Variants in HS6ST2 observed in about 807,000 individuals in gnomAD.
The protein encoded by HS6ST2 is heparan sulfate 6-O-sulfotransferase 2.
A neutral mutation model predicts 33.0 loss-of-function variants in HS6ST2; 17 were observed. The observed-to-expected ratio is 0.52, with a 90% CI of 0.35 to 0.77. The LOEUF is 0.77. Among genes scored for constraint, HS6ST2 ranks in the 30% least tolerant of loss-of-function variants. The pLI, the probability that HS6ST2 is intolerant of heterozygous loss-of-function variation, is 0.01. For synonymous variants in HS6ST2, 248 were observed against 237.1 expected, an observed-to-expected ratio of 1.05 and a Z score of -0.42; for missense variants, 519 against 551.7, an observed-to-expected ratio of 0.94 and a Z score of 0.59.
At chrX:132,740,208 A>T (rs771251515) in intron 2 of HS6ST2, among the ~76,000 whole-genome samples, 1 of 112,483 alleles carries the variant, frequency 8.9e-6, no homozygotes, top group Admixed American at 9.4e-5. Context: ...TGCAAAAATA[A>T]TTTCTCTTGT....
chrX:132,632,509 G>T (rs1015507965), intron 4 of HS6ST2, among the ~76,000 whole-genome samples: 1 of 110,287 alleles, frequency 9.1e-6, no homozygotes, highest in East Asian at 2.9e-4. Flanking sequence ...TGGGGTCGGG[G>T]GCAAACAGAG....
At position 132,903,029 on chromosome X, in the gene HS6ST2, T is replaced by A. The variant is rs193079873; in HGVS notation, c.947+53779A>T. 1.5e-3 allele frequency among the ~76,000 whole-genome samples: 165 copies of A among 111,788 alleles called. 1 individual carries two copies. Among genetic ancestry groups the A allele is most frequent in the Non-Finnish European group, 2.6e-3 (136 of 53,149 alleles). The stretch of plus-strand genomic sequence containing the variant: ...GTAAAACTATTTGCAGATGACATGA[T>A]CTTGTATATAGAAAATCCTAAGGAA... On this transcript the variant is annotated intron_variant, in intron 2 of 4. Transcript: ENST00000370833.
At chrX:132,737,475 C>T (rs1239974150) in intron 2 of HS6ST2, among the ~76,000 whole-genome samples, 3 of 111,031 alleles carry the variant, frequency 2.7e-5, no homozygotes, top group Non-Finnish European at 5.7e-5. Flanking sequence ...TATTTCCATT[C>T]GTTCCCACTG....
At chrX:132,843,746 T>C (rs1316925312) in intron 2 of HS6ST2, among the ~76,000 whole-genome samples, 1 of 111,816 alleles carries the variant, frequency 8.9e-6, no homozygotes, top group Non-Finnish European at 1.9e-5. Flanking sequence ...CTAGCTGCCA[T>C]GACTTTATGA....
intron 2 of HS6ST2, among the ~76,000 whole-genome samples, chrX:132,827,177 C>T (rs1387371132): frequency 9.0e-6 from 1 of 111,401 alleles, no homozygotes; most frequent in Non-Finnish European, 1.9e-5. Flanking sequence ...CCATTTGTAT[C>T]TTTATGCTGA....
chrX:132,695,308 T>C (rs1484829011), intron 3 of HS6ST2, among the ~76,000 whole-genome samples: 10 of 111,550 alleles, frequency 9.0e-5, no homozygotes, highest in Admixed American at 6.7e-4. Flanking sequence ...ATGGGTGCAA[T>C]ACAGATTGTT....
intron 2 of HS6ST2, among the ~76,000 whole-genome samples, chrX:132,751,604 C>G (rs1374295919): frequency 8.9e-6 from 1 of 112,358 alleles, no homozygotes. Flanking sequence ...GACCAAATAC[C>G]TCCCCTTCTT....
chrX:132,690,396 A>C (rs1340727004), intron 3 of HS6ST2, among the ~76,000 whole-genome samples: 11 of 112,027 alleles, frequency 9.8e-5, no homozygotes, highest in Non-Finnish European at 1.9e-4. Flanking sequence ...CAAAACAGAA[A>C]GTAGTTGAAG....
At chrX:132,871,847 T>C (rs1051790737) in intron 2 of HS6ST2, among the ~76,000 whole-genome samples, 1 of 111,010 alleles carries the variant, frequency 9.0e-6, no homozygotes, top group East Asian at 2.8e-4. Flanking sequence ...GGTTGATAAG[T>C]GCAGCAAACC....
chrX:132,719,723 A>G (rs751123897), intron 2 of HS6ST2, among the ~76,000 whole-genome samples: 18 of 112,385 alleles, frequency 1.6e-4, no homozygotes, highest in South Asian at 3.8e-4. Context: ...ATTTTTTTGC[A>G]ATTGTAAGGA....
At chrX:132,866,825 A>C (rs1373025867) in intron 2 of HS6ST2, among the ~76,000 whole-genome samples, 1 of 103,130 alleles carries the variant, frequency 9.7e-6, no homozygotes, top group Non-Finnish European at 2.0e-5. Context: ...TTGTACATTG[A>C]TTTTGTATCC....
At chrX:132,740,544 AAG>A (rs1400099267) in intron 2 of HS6ST2, among the ~76,000 whole-genome samples, 4 of 112,186 alleles carry the variant, frequency 3.6e-5, no homozygotes. Flanking sequence ...CTTCTTGTAT[AAG>A]AGCTAATGAG....
chrX:132,783,209 A>G (rs1194079957), intron 2 of HS6ST2, among the ~76,000 whole-genome samples: 3 of 111,508 alleles, frequency 2.7e-5, no homozygotes, highest in Non-Finnish European at 5.7e-5. Flanking sequence ...AAATCAAATC[A>G]TTTGCTAGGG....
At chrX:132,713,177 C>G (rs2064245529) in intron 2 of HS6ST2, among the ~76,000 whole-genome samples, 1 of 111,438 alleles carries the variant, frequency 9.0e-6, no homozygotes, top group South Asian at 3.9e-4. Flanking sequence ...GAGAAACCAA[C>G]AGCAAACGAC....
At chrX:132,759,258 T>A (rs1233200014) in intron 2 of HS6ST2, among the ~76,000 whole-genome samples, 1 of 112,197 alleles carries the variant, frequency 8.9e-6, no homozygotes, top group African/African-American at 3.2e-5. Flanking sequence ...AAGAAAATAA[T>A]GTGAAATATG....
chrX:132,754,078 T>G (rs2064734969), intron 2 of HS6ST2, among the ~76,000 whole-genome samples: 1 of 111,897 alleles, frequency 8.9e-6, no homozygotes, highest in African/African-American at 3.3e-5. Flanking sequence ...ACATTACATC[T>G]AGTTGTCACA....
chrX:132,671,446 CTTTTTT>C (rs138709239), intron 3 of HS6ST2, among the ~76,000 whole-genome samples: 1 of 91,255 alleles, frequency 1.1e-5, no homozygotes, highest in African/African-American at 4.0e-5. Context: ...CATTCATTCA[CTTTTTT>C]TTTTTTTTTT....
At chrX:132,814,917 C>T (rs1456669909) in intron 2 of HS6ST2, among the ~76,000 whole-genome samples, 1 of 112,156 alleles carries the variant, frequency 8.9e-6, no homozygotes, top group African/African-American at 3.2e-5. Context: ...TGAAATCTGG[C>T]TCACATTTTA....
chrX:132,862,975 T>C (rs1349186267), intron 2 of HS6ST2, among the ~76,000 whole-genome samples: 1 of 112,271 alleles, frequency 8.9e-6, no homozygotes, highest in African/African-American at 3.2e-5. Flanking sequence ...GAAATTCACC[T>C]GTCTGATCAA....
Sources: gnomAD v4.1 joint callset for allele counts (sites outside exome capture counted in the v4.1 genomes callset) on GRCh38, gnomAD v4.1.1 for gene constraint, MANE v1.5 for transcripts, NCBI Gene and HGNC (gene_info 2026-07-23, HGNC 2026-07-21) for gene names.